Variants in DLGAP2 observed in about 807,000 individuals in gnomAD.
The protein encoded by DLGAP2 is DLG associated protein 2, also known as disks large-associated protein 2.
In DLGAP2, 26 loss-of-function variants were observed where a neutral mutation model predicts 100.3. That is an observed-to-expected ratio of 0.26 (90% CI 0.19 to 0.36). The LOEUF (loss-of-function observed/expected upper bound fraction) is 0.36, where lower values mean the gene tolerates loss of function less well. Ranked by LOEUF, DLGAP2 falls within the 10% of genes least tolerant of loss-of-function variation. The probability of loss-of-function intolerance (pLI) is 1.00; values close to 1 mark genes in which losing one functional copy is unlikely to be tolerated. For missense variants in DLGAP2, 1,858 were observed against 1,453.2 expected (o/e 1.28, Z -4.53); for synonymous variants, 886 against 630.1 (o/e 1.41, Z -6.08).
chr8:1,549,682 A>G lies in DLGAP2; in HGVS notation c.1229A>G (p.Gln410Arg). Residue 410 changes from glutamine to arginine, a missense_variant and splice_region_variant, in exon 5 of 15, where the codon CAG becomes CGG. By Grantham distance (43) the Gln-to-Arg change is conservative. Coordinates refer to ENST00000637795, the MANE Select transcript of DLGAP2 (RefSeq NM_001346810.2). Reference sequence around the variant, plus strand: ...GCCCTGAGGCCGTGCCACTACCTCCAGGTAAGCAGGCTCACGGCCCTGTGG... The same window carrying G: ...GCCCTGAGGCCGTGCCACTACCTCCGGGTAAGCAGGCTCACGGCCCTGTGG... The part of the protein sequence containing the change: ...KPALRPCHYL[Q>R]VPQDEWGGYP... 1 of 1,543,096 alleles carries G rather than the reference A, an allele frequency of 6.5e-7. No homozygotes were observed. The highest frequency in any genetic ancestry group is 1.2e-5 in the South Asian group (1 of 85,054).
chr8:1,332,274 A>T (rs1364906854), intron 3 of DLGAP2, among the ~76,000 whole-genome samples: 1 of 152,140 alleles, frequency 6.6e-6, no homozygotes, highest in Non-Finnish European at 1.5e-5. Context: ...GTTTATATAC[A>T]TCTGTGTACA....
chr8:1,224,641 A>C (rs1254700649), intron 2 of DLGAP2, among the ~76,000 whole-genome samples: 4 of 152,230 alleles, frequency 2.6e-5, no homozygotes, highest in African/African-American at 9.6e-5. Context: ...AGATGACTGA[A>C]ATTACTAAAA....
intron 3 of DLGAP2, among the ~76,000 whole-genome samples, chr8:1,376,597 C>T (rs903259928): frequency 2.0e-5 from 3 of 152,084 alleles, no homozygotes; most frequent in Admixed American, 6.6e-5. Context: ...AGCCGGGTGG[C>T]AGTGGGGAGC....
intron 1 of DLGAP2, among the ~76,000 whole-genome samples, chr8:906,530 G>A (rs1798384284): frequency 6.6e-6 from 1 of 152,244 alleles, no homozygotes; most frequent in Non-Finnish European, 1.5e-5. Context: ...AACCCCGGGA[G>A]TTGAGTGTGT....
chr8:860,310 C>G (rs1162310929), intron 1 of DLGAP2, among the ~76,000 whole-genome samples: 1 of 152,220 alleles, frequency 6.6e-6, no homozygotes, highest in Non-Finnish European at 1.5e-5. Flanking sequence ...TGACCAACCA[C>G]TGGCTGCCGC....
At chr8:1,250,867 G>A (rs767788240) in intron 2 of DLGAP2, among the ~76,000 whole-genome samples, 19 of 152,200 alleles carry the variant, frequency 1.2e-4, no homozygotes, top group Admixed American at 2.6e-4. Flanking sequence ...GTAACGACGG[G>A]GTGACGCTCT....
intron 3 of DLGAP2, among the ~76,000 whole-genome samples, chr8:1,294,686 T>C (rs1406197761): frequency 6.6e-6 from 1 of 152,142 alleles, no homozygotes; most frequent in African/African-American, 2.4e-5. Flanking sequence ...AATAATGTTG[T>C]ATGTGTGAGA....
chr8:1,185,392 G>A (rs999009363), intron 2 of DLGAP2, among the ~76,000 whole-genome samples: 1 of 152,072 alleles, frequency 6.6e-6, no homozygotes, highest in African/African-American at 2.4e-5. Flanking sequence ...CCATCTGCAG[G>A]TACAAGGTGA....
chr8:1,686,972 T>C (rs535280858), intron 12 of DLGAP2, among the ~76,000 whole-genome samples: 116 of 152,306 alleles, frequency 7.6e-4, no homozygotes, highest in African/African-American at 2.5e-3. Context: ...TCAAATATCA[T>C]ATGTGCCCCC....
At chr8:785,364 C>T (rs10156336) in intron 1 of DLGAP2, among the ~76,000 whole-genome samples, 70,984 of 150,994 alleles carry the variant, frequency 0.47, 17,289 homozygotes, top group Admixed American at 0.57. Context: ...GCAGGCCGGG[C>T]CCCTGCACCT....
Position 1,076,016 on chromosome 8 carries a change from G to T in DLGAP2, c.73+168050G>T, listed in dbSNP as rs958997755. The stretch of plus-strand genomic sequence containing the variant: ...TTTCCAGAGAGAGCAATTGGAAGAT[G>T]CATTTGAGGTGTGTCTCTCAAAGAG... On this transcript the variant is annotated intron_variant, in intron 2 of 14. Coordinates refer to ENST00000637795, the MANE Select transcript of DLGAP2 (RefSeq NM_001346810.2). 5.3e-4 allele frequency among the ~76,000 whole-genome samples: 80 copies of T among 152,350 alleles called. 1 individual carries two copies. Among genetic ancestry groups the T allele is most frequent in the African/African-American group, 1.9e-3 (77 of 41,592 alleles).
chr8:1,007,837 A>T (rs1165455980), intron 2 of DLGAP2, among the ~76,000 whole-genome samples: 1 of 152,218 alleles, frequency 6.6e-6, no homozygotes, highest in Non-Finnish European at 1.5e-5. Context: ...GCCCAGTAAC[A>T]TAAAAATTTA....
chr8:1,449,454 G>C (rs1384198651), intron 3 of DLGAP2, among the ~76,000 whole-genome samples: 1 of 152,188 alleles, frequency 6.6e-6, no homozygotes, highest in Non-Finnish European at 1.5e-5. Flanking sequence ...CAGCGTTTTG[G>C]GAAGAGCAGT....
intron 12 of DLGAP2, among the ~76,000 whole-genome samples, chr8:1,687,672 G>C (rs1302902773): frequency 6.6e-6 from 1 of 152,156 alleles, no homozygotes; most frequent in Non-Finnish European, 1.5e-5. Context: ...TTGCCCATGT[G>C]TTCATGTTGT....
chr8:771,676 G>A (rs573811744), intron 1 of DLGAP2, among the ~76,000 whole-genome samples: 26 of 152,332 alleles, frequency 1.7e-4, no homozygotes, highest in South Asian at 4.1e-4. Flanking sequence ...CATTGAACAC[G>A]ACGTGGCCTC....
chr8:1,144,911 G>A (rs1342042964), intron 2 of DLGAP2, among the ~76,000 whole-genome samples: 1 of 151,382 alleles, frequency 6.6e-6, no homozygotes, highest in Non-Finnish European at 1.5e-5. Flanking sequence ...AACCGCAGAC[G>A]GCCTGTACCC....
At chr8:1,241,496 C>G (rs1017390859) in intron 2 of DLGAP2, among the ~76,000 whole-genome samples, 7 of 152,232 alleles carry the variant, frequency 4.6e-5, no homozygotes, top group East Asian at 1.9e-4. Context: ...TGCAGTTACT[C>G]TCGGAGGCCT....
chr8:807,116 C>G (rs1266434217), intron 1 of DLGAP2, among the ~76,000 whole-genome samples: 1 of 152,248 alleles, frequency 6.6e-6, no homozygotes, highest in East Asian at 1.9e-4. Flanking sequence ...AGGGTTTTAA[C>G]TTGCTCTGTG....
intron 2 of DLGAP2, among the ~76,000 whole-genome samples, chr8:1,020,343 C>T (rs1801592579): frequency 1.3e-5 from 2 of 152,200 alleles, no homozygotes; most frequent in African/African-American, 2.4e-5. Context: ...CCCTGACTGG[C>T]TTAAGGACAG....
Sources: gnomAD v4.1 joint callset for allele counts (sites outside exome capture counted in the v4.1 genomes callset) on GRCh38, gnomAD v4.1.1 for gene constraint, MANE v1.5 for transcripts, NCBI Gene and HGNC (gene_info 2026-07-23, HGNC 2026-07-21) for gene names.